GABPB1: variants seen among roughly 807,000 people sequenced by gnomAD.
GABPB1 encodes GA binding protein transcription factor subunit beta 1, also known as GA-binding protein subunit beta-1.
GABPB1 carries 15 observed loss-of-function variants against 45.9 expected under a neutral mutation model. The observed-to-expected ratio is 0.33, with a 90% CI of 0.22 to 0.50. GABPB1 has a LOEUF of 0.50. Among genes scored for constraint, GABPB1 ranks in the 20% least tolerant of loss-of-function variants. GABPB1 has a pLI of 0.98. For synonymous variants in GABPB1, 143 were observed against 154.4 expected (o/e 0.93, Z 0.55); for missense variants, 252 against 457.5 (o/e 0.55, Z 4.10).
intron 7 of GABPB1, among the ~76,000 whole-genome samples, chr15:50,286,660 C>T (rs1332929972): frequency 6.6e-6 from 1 of 152,132 alleles, no homozygotes; most frequent in Non-Finnish European, 1.5e-5. Flanking sequence ...CTTATAATAT[C>T]TTACATCACT....
intron 1 of GABPB1, among the ~76,000 whole-genome samples, chr15:50,325,548 T>C (rs1163156478): frequency 2.0e-5 from 3 of 152,180 alleles, no homozygotes; most frequent in Non-Finnish European, 4.4e-5. Context: ...TTTTTTTTTC[T>C]TGAGATGGAG....
chr15:50,320,155 G>C (rs1595797962), intron 1 of GABPB1, among the ~76,000 whole-genome samples: 1 of 152,260 alleles, frequency 6.6e-6, no homozygotes, highest in Non-Finnish European at 1.5e-5. Flanking sequence ...CCATTCACAA[G>C]CAATCCTCTT....
intron 1 of GABPB1, chr15:50,353,507 G>C (rs1347623074): frequency 2.6e-5 from 4 of 151,384 alleles, no homozygotes; most frequent in Non-Finnish European, 5.9e-5. Context: ...GCATTAAAAA[G>C]ATTTGCAAAA....
At chr15:50,295,436 C>T (rs999598291) in intron 6 of GABPB1, among the ~76,000 whole-genome samples, 2 of 152,134 alleles carry the variant, frequency 1.3e-5, no homozygotes, top group Admixed American at 6.5e-5. Flanking sequence ...CAAACTTTTC[C>T]CTACTAACGC....
intron 1 of GABPB1, among the ~76,000 whole-genome samples, chr15:50,346,765 A>G (rs1228288123): frequency 6.6e-6 from 1 of 150,564 alleles, no homozygotes; most frequent in Admixed American, 6.7e-5. Flanking sequence ...CATGTGGAAG[A>G]AAGAGCTAAC....
intron 6 of GABPB1, among the ~76,000 whole-genome samples, chr15:50,296,994 T>A (rs2046539425): frequency 7.3e-6 from 1 of 136,448 alleles, no homozygotes; most frequent in Non-Finnish European, 1.5e-5. Context: ...CACTGCAACC[T>A]CCACCTCTGA....
In GABPB1 at chr15:50,304,086, G is replaced by A. The variant is rs770789873; in HGVS notation, c.156C>T (p.Ser52=). ...CAGCTCGCAGCAGTACCTCTGTGGT[G>A]GAATAATGACCATACTGTGCTGCTA... is the stretch of plus-strand genomic sequence containing the variant. ...LHLAAQYGHY[S]TTEVLLRAGV... Residue 52 remains serine, a synonymous_variant, in exon 3 of 9, where the codon TCC becomes TCT. Coordinates refer to ENST00000380877, the MANE Select transcript of GABPB1 (RefSeq NM_016654.5). The A allele has an allele frequency of 8.7e-6, 14 of 1,612,656 alleles. No individual in the cohort carries two copies. Among genetic ancestry groups the A allele is most frequent in the African/African-American group, 1.3e-5 (1 of 74,754 alleles).
chr15:50,339,405 G>A (rs1016272465), intron 1 of GABPB1, among the ~76,000 whole-genome samples: 13 of 151,854 alleles, frequency 8.6e-5, no homozygotes, highest in Admixed American at 2.0e-4. Context: ...AGGCTGAGGC[G>A]GGAGAATCAC....
chr15:50,341,915 T>C (rs2048387884), intron 1 of GABPB1, among the ~76,000 whole-genome samples: 1 of 152,188 alleles, frequency 6.6e-6, no homozygotes, highest in African/African-American at 2.4e-5. Flanking sequence ...ATTAAATAAG[T>C]GGTAACTCCA....
chr15:50,338,539 T>C lies in GABPB1; in HGVS notation c.-1+16446A>G, dbSNP rs1013072415. On this transcript the variant is annotated intron_variant, in intron 1 of 8. Transcript: ENST00000380877. ...CCCAGGCTGGAGTGTAGTGGTGCAA[T>C]GTCAGCTCACTGCAACCTACACCTC... 4.3e-4 allele frequency among the ~76,000 whole-genome samples: 66 copies of C among 152,230 alleles called. 1 individual carries two copies. The highest frequency in any genetic ancestry group is 1.5e-3 in the African/African-American group (62 of 41,524).
chr15:50,334,071 C>A (rs1412515001), intron 1 of GABPB1, among the ~76,000 whole-genome samples: 1 of 151,570 alleles, frequency 6.6e-6, no homozygotes, highest in Non-Finnish European at 1.5e-5. Context: ...AAAGAAAAGT[C>A]ATCTATTACT....
In GABPB1 at chr15:50,276,800, CTAACA is replaced by C. The variant is rs2045844184; in HGVS notation, c.*1827_*1831del. On this transcript the variant is annotated 3_prime_UTR_variant, in exon 9 of 9. Coordinates refer to ENST00000380877, the MANE Select transcript of GABPB1 (RefSeq NM_016654.5). The stretch of plus-strand genomic sequence containing the variant: ...CCTGGCTGTGGTACCAGCACCCTGC[CTAACA>C]TGACAAATTAATGTACCGAAGTAAC... 1 of 152,206 alleles carries C rather than the reference CTAACA, an allele frequency of 6.6e-6. No individual in the cohort carries two copies. Among genetic ancestry groups the C allele is most frequent in the East Asian group, 1.9e-4 (1 of 5,202 alleles). The allele number at this position is 152,206 out of a possible 1,614,324, so 9.4% of individuals were successfully genotyped here.
chr15:50,301,455 G>A, intron 4 of GABPB1, 87 bp from the exon 5 acceptor site: 1 of 1,186,622 alleles, frequency 8.4e-7, no homozygotes, highest in Non-Finnish European at 1.2e-6. Context: ...ACATATAAAG[G>A]AGTATTCTCT....
intron 1 of GABPB1, among the ~76,000 whole-genome samples, chr15:50,333,135 T>C (rs1416232414): frequency 6.6e-6 from 1 of 152,192 alleles, no homozygotes; most frequent in Non-Finnish European, 1.5e-5. Flanking sequence ...AATAGCCCTA[T>C]GTAGCTTATG....
intron 1 of GABPB1, among the ~76,000 whole-genome samples, chr15:50,333,249 T>C (rs1030656961): frequency 6.6e-6 from 1 of 152,138 alleles, no homozygotes; most frequent in African/African-American, 2.4e-5. Context: ...GAGAATCACT[T>C]GAGCACAGGA....
intron 1 of GABPB1, among the ~76,000 whole-genome samples, chr15:50,323,077 G>A (rs905939788): frequency 1.4e-4 from 21 of 152,158 alleles, no homozygotes; most frequent in African/African-American, 4.6e-4. Context: ...ACTCTATTAC[G>A]AAAATTAATT....
At chr15:50,353,553 G>A (rs1322694024) in intron 1 of GABPB1, 4 of 151,196 alleles carry the variant, frequency 2.6e-5, no homozygotes, top group East Asian at 1.9e-4. Flanking sequence ...ATGTTAACAT[G>A]TAATGGATTT....
chr15:50,354,932 A>G (rs1160437229), intron 1 of GABPB1, 53 bp downstream of exon 1: 1 of 213,566 alleles, frequency 4.7e-6, no homozygotes, highest in Non-Finnish European at 9.4e-6. Flanking sequence ...ACCAGCGAAG[A>G]GATCAACTTC....
rs538647296 is a variant in GABPB1, at chr15:50,341,927, C to T, written c.-1+13058G>A. Among the ~76,000 whole-genome samples the T allele has an allele frequency of 3.3e-5, 5 of 152,282 alleles. No individual in the cohort carries two copies. In the East Asian group the frequency reaches 5.8e-4, roughly 18 times the overall value. On this transcript the variant is annotated intron_variant, in intron 1 of 8. Transcript: ENST00000380877. ...ATCATTAAATAAGTGGTAACTCCAA[C>T]GCGTCTCAGACCTTTAAGGATATGA...
Sources: allele counts gnomAD v4.1 joint callset (sites outside exome capture counted in the v4.1 genomes callset), GRCh38; gene constraint gnomAD v4.1.1; transcripts MANE v1.5; gene names NCBI Gene and HGNC (gene_info 2026-07-23, HGNC 2026-07-21).